Variants in MAPKBP1 observed in about 807,000 individuals in gnomAD.
MAPKBP1 encodes mitogen-activated protein kinase binding protein 1, also known as mitogen-activated protein kinase-binding protein 1.
In MAPKBP1, 71 loss-of-function variants were observed where a neutral mutation model predicts 170.5. The observed-to-expected ratio is 0.42, with a 90% CI of 0.34 to 0.51. MAPKBP1 has a LOEUF of 0.51. Ranked by LOEUF, MAPKBP1 falls within the 20% of genes least tolerant of loss-of-function variation. The probability of loss-of-function intolerance (pLI) is 0.06; values close to 1 mark genes in which losing one functional copy is unlikely to be tolerated. For synonymous variants in MAPKBP1, 719 were observed against 757.9 expected, an observed-to-expected ratio of 0.95 and a Z score of 0.84; for missense variants, 1,598 against 1,933.0, an observed-to-expected ratio of 0.83 and a Z score of 3.25.
At position 41,774,556 on chromosome 15, in the gene MAPKBP1, C is replaced by A. The variant is rs1018223142; in HGVS notation, c.-164C>A. The A allele has an allele frequency of 1.0e-5, 4 of 398,548 alleles. No homozygotes were observed. Among genetic ancestry groups the A allele is most frequent in the Non-Finnish European group, 1.8e-5 (4 of 226,094 alleles). The allele number at this position is 398,548 out of a possible 1,614,324, so 24.7% of individuals were successfully genotyped here. The stretch of plus-strand genomic sequence containing the variant: ...GCTACCGCGGCGGAGCTGAAATTGC[C>A]GAACGCGATGCCCGAGGGCGCTGTG... On this transcript the variant is annotated 5_prime_UTR_variant, in exon 1 of 31. Coordinates refer to ENST00000457542, the MANE Select transcript of MAPKBP1 (RefSeq NM_014994.3).
intron 2 of MAPKBP1, among the ~76,000 whole-genome samples, chr15:41,791,918 G>T (rs1423997422): frequency 6.6e-6 from 1 of 151,910 alleles, no homozygotes; most frequent in African/African-American, 2.4e-5. Flanking sequence ...AGCCAGGTGT[G>T]GTGGCGCATG....
Position 41,824,162 on chromosome 15 carries a change from T to C in MAPKBP1, c.4213+101T>C. ...ATCCCATTTCTGTGGGTACAGCTTC[T>C]GGTGTTTCTTGTCCTGTCTGCTCCT... On this transcript the variant is annotated intron_variant, in intron 29 of 30. Transcript: ENST00000457542. 2.1e-6 allele frequency: 3 copies of C among 1,456,526 alleles called. 1 individual carries two copies. Among genetic ancestry groups the C allele is most frequent in the Non-Finnish European group, 1.8e-6 (2 of 1,090,076 alleles). 90.2% of individuals were successfully genotyped at this position (1,456,526 alleles called of 1,614,324 possible).
chr15:41,786,486 C>G (rs189310244), intron 2 of MAPKBP1, among the ~76,000 whole-genome samples: 102 of 151,814 alleles, frequency 6.7e-4, no homozygotes, highest in Non-Finnish European at 1.3e-3. Flanking sequence ...CTGGTATAGC[C>G]GGGCGTGGTG....
At chr15:41,788,765 AT>A (rs2064343644) in intron 2 of MAPKBP1, among the ~76,000 whole-genome samples, 1 of 152,214 alleles carries the variant, frequency 6.6e-6, no homozygotes, top group Non-Finnish European at 1.5e-5. Flanking sequence ...AGGCTAAAAC[AT>A]TTATATTTTA....
intron 28 of MAPKBP1, 70 bp downstream of exon 28, chr15:41,823,292 AG>A (rs775924100): frequency 1.4e-4 from 220 of 1,566,914 alleles, no homozygotes; most frequent in Non-Finnish European, 1.8e-4. Flanking sequence ...TGGAGGAGGG[AG>A]GGCCTGGTGT....
chr15:41,802,629 A>G (rs1464874739), intron 3 of MAPKBP1, among the ~76,000 whole-genome samples: 2 of 152,062 alleles, frequency 1.3e-5, no homozygotes, highest in African/African-American at 2.4e-5. Flanking sequence ...TCCTGCCACC[A>G]CGCCTGGCTA....
intron 3 of MAPKBP1, among the ~76,000 whole-genome samples, chr15:41,803,434 A>G (rs55954257): frequency 0.038 from 3,458 of 90,592 alleles, 670 homozygotes; most frequent in African/African-American, 0.12. Context: ...AAAAAAAAAA[A>G]AGGTTAAGCA....
intron 2 of MAPKBP1, among the ~76,000 whole-genome samples, chr15:41,779,672 T>G: frequency 6.6e-6 from 1 of 152,344 alleles, no homozygotes; most frequent in South Asian, 2.1e-4. Flanking sequence ...CTGGGACTAG[T>G]GGTGCTTGCC....
At chr15:41,816,527 T>C (rs1305499124) in intron 12 of MAPKBP1, 32 bp from the exon 13 acceptor site, 1 of 1,527,736 alleles carries the variant, frequency 6.5e-7, no homozygotes, top group Non-Finnish European at 9.1e-7. Flanking sequence ...GGCCTGGCCA[T>C]GGCCTCTTCC....
chr15:41,778,167 T>G (rs1403762831), intron 2 of MAPKBP1, among the ~76,000 whole-genome samples: 1 of 152,170 alleles, frequency 6.6e-6, no homozygotes, highest in East Asian at 1.9e-4. Flanking sequence ...AGGCAGTAAG[T>G]ACTAAAAAAA....
intron 2 of MAPKBP1, among the ~76,000 whole-genome samples, chr15:41,776,609 T>C (rs1248563461): frequency 6.6e-6 from 1 of 152,248 alleles, no homozygotes; most frequent in African/African-American, 2.4e-5. Context: ...GATATGACTC[T>C]GTTCATTCTT....
At position 41,821,704 on chromosome 15, in the gene MAPKBP1, G is replaced by A. The variant is rs2065000222; in HGVS notation, c.2839G>A (p.Gly947Ser). Residue 947 changes from glycine to serine, a missense_variant, in exon 24 of 31, where the codon GGT becomes AGT. Coordinates refer to ENST00000457542, the MANE Select transcript of MAPKBP1 (RefSeq NM_014994.3). ...TCTGGAACCTGCACCCATTGAAGAT[G>A]GTATTGTCTACCCGGAGCCGAGTGA... ...QDLEPAPIED[G>S]IVYPEPSDNP... The A allele has an allele frequency of 6.2e-7, 1 of 1,614,000 alleles. No homozygotes were observed. The highest frequency in any genetic ancestry group is 1.7e-5 in the Admixed American group (1 of 59,998).
In MAPKBP1 at chr15:41,818,631, G is replaced by A. The variant is rs770093405; in HGVS notation, c.2156+49G>A. ...AGAGGCAGATTCTTACTCTGCCACAGCACCCTGCCCTCCCCTCTCTCCATT... is the reference window on the plus strand; with the variant it reads ...AGAGGCAGATTCTTACTCTGCCACAACACCCTGCCCTCCCCTCTCTCCATT... On this transcript the variant is annotated intron_variant, in intron 19 of 30. Transcript: ENST00000457542. The surrounding 1 kb of genome is among the most constrained non-coding windows in gnomAD (Gnocchi z 5.2). The A allele has an allele frequency of 3.2e-6, 5 of 1,558,496 alleles. No individual in the cohort carries two copies. Among genetic ancestry groups the A allele is most frequent in the Admixed American group, 1.7e-5 (1 of 57,934 alleles).
chr15:41,815,156 C>T, intron 10 of MAPKBP1, 103 bp from the exon 11 acceptor site: 1 of 1,424,904 alleles, frequency 7.0e-7, no homozygotes, highest in Non-Finnish European at 9.7e-7. Flanking sequence ...GGGCTAAGTC[C>T]TGGCCACCAT....
intron 6 of MAPKBP1, 105 bp from the exon 7 acceptor site, chr15:41,812,411 A>T (rs2064821080): frequency 6.7e-7 from 1 of 1,494,712 alleles, no homozygotes; most frequent in Non-Finnish European, 9.3e-7. Flanking sequence ...TCTGGAAAGA[A>T]ACACTTTGTC....
chr15:41,817,410 G>A lies in MAPKBP1; in HGVS notation c.1734G>A (p.Met578Ile). The A allele has an allele frequency of 6.3e-7, 1 of 1,592,158 alleles. No homozygotes were observed. Among genetic ancestry groups the A allele is most frequent in the Non-Finnish European group, 8.6e-7 (1 of 1,165,700 alleles). ...KFAASDGQVR[M>I]ISCGADKSIY... Reference sequence around the variant, plus strand: ...TAGCCAGTGATGGGCAAGTCCGCATGATCAGCTGTGGAGCAGACAAGAGCA... The same window carrying A: ...TAGCCAGTGATGGGCAAGTCCGCATAATCAGCTGTGGAGCAGACAAGAGCA... The change falls in exon 15 of 31, where the codon ATG (methionine) becomes ATA (isoleucine). Residue 578 changes from methionine to isoleucine, a missense_variant. Physicochemically the swap from Met to Ile is conservative, Grantham distance 10 (BLOSUM62 1). Around this residue, in one of 6 missense-constraint regions of MAPKBP1, gnomAD observed 430 missense variants for 617.2 expected, o/e 0.70. Coordinates refer to ENST00000457542, the MANE Select transcript of MAPKBP1 (RefSeq NM_014994.3). The surrounding 1 kb of genome is among the most constrained non-coding windows in gnomAD (Gnocchi z 4.2).
intron 2 of MAPKBP1, among the ~76,000 whole-genome samples, chr15:41,780,364 G>A (rs757617601): frequency 1.1e-4 from 16 of 152,174 alleles, no homozygotes; most frequent in Non-Finnish European, 1.8e-4. Flanking sequence ...CTGAAGTTGG[G>A]CTTGATGCTG....
In MAPKBP1 at chr15:41,819,552, G is replaced by GGT; in HGVS notation, c.2426-42_2426-41insTG. 3.3e-6 allele frequency: 5 copies of GGT among 1,508,798 alleles called. 1 individual carries two copies. Among genetic ancestry groups the GGT allele is most frequent in the Non-Finnish European group, 4.5e-6 (5 of 1,101,680 alleles). 93.5% of individuals were successfully genotyped at this position (1,508,798 alleles called of 1,614,324 possible). A position where few individuals can be genotyped will look rare whatever the true frequency, so the allele number is the denominator to read the frequency against. ...AGGGCTCCAGGGTTGGGTGGCGGGG[G>GGT]GGGGGCAGGAGACACTTCCTCTGAC... On this transcript the variant is annotated intron_variant, in intron 21 of 30. Coordinates refer to ENST00000457542, the MANE Select transcript of MAPKBP1 (RefSeq NM_014994.3).
At chr15:41,791,489 T>C (rs1940929213) in intron 2 of MAPKBP1, among the ~76,000 whole-genome samples, 1 of 152,230 alleles carries the variant, frequency 6.6e-6, no homozygotes, top group Non-Finnish European at 1.5e-5. Context: ...TGCCACTGTC[T>C]TGGCTCCACC....
Sources: allele counts gnomAD v4.1 joint callset (sites outside exome capture counted in the v4.1 genomes callset), GRCh38; gene constraint gnomAD v4.1.1; regional missense constraint gnomAD v4.1.1; non-coding constraint Gnocchi (gnomAD v3.1); transcripts MANE v1.5; gene names NCBI Gene and HGNC (gene_info 2026-07-23, HGNC 2026-07-21).